DCC: variants seen among roughly 807,000 people sequenced by gnomAD.
The protein encoded by DCC is netrin receptor DCC.
In DCC, 58 loss-of-function variants were observed where a neutral mutation model predicts 172.5. The ratio of observed to expected loss-of-function variants is 0.34; its 90% CI spans 0.27 to 0.42. The LOEUF (loss-of-function observed/expected upper bound fraction) is 0.42. Ranked by LOEUF, DCC falls within the 10% of genes least tolerant of loss-of-function variation. The pLI is 1.00. For synonymous variants in DCC, 709 were observed against 644.5 expected (o/e 1.10, Z -1.52); for missense variants, 1,740 against 1,791.0 (o/e 0.97, Z 0.51).
chr18:52,554,809 A>G (rs1027502706), intron 1 of DCC, among the ~76,000 whole-genome samples: 32 of 152,216 alleles, frequency 2.1e-4, no homozygotes, highest in African/African-American at 7.5e-4. Flanking sequence ...CCTCTCATTT[A>G]AGAAATGTGT....
At chr18:52,856,034 G>C (rs985194312) in intron 2 of DCC, among the ~76,000 whole-genome samples, 18 of 151,490 alleles carry the variant, frequency 1.2e-4, no homozygotes, top group Admixed American at 6.6e-5. Flanking sequence ...CAAAGTGCTG[G>C]GATTACAGGC....
intron 1 of DCC, among the ~76,000 whole-genome samples, chr18:52,741,941 A>T (rs1364294020): frequency 6.6e-6 from 1 of 152,194 alleles, no homozygotes; most frequent in Non-Finnish European, 1.5e-5. Flanking sequence ...TTGGGGAGAT[A>T]ATTAGGGTTA....
Position 52,605,567 on chromosome 18 carries a change from C to T in DCC, c.92-146487C>T, listed in dbSNP as rs574469038. Among the ~76,000 whole-genome samples, 20 of 152,214 alleles carry T rather than the reference C, an allele frequency of 1.3e-4. No individual in the cohort carries two copies. The South Asian group carries it at 3.5e-3, about 27-fold the overall frequency. On this transcript the variant is annotated intron_variant, in intron 1 of 28. Coordinates refer to ENST00000442544, the MANE Select transcript of DCC (RefSeq NM_005215.4). Reference sequence around the variant, plus strand: ...TCTAATCAGCAGTCCTGCTCAGTAGCGGATAGAGAACAGAGTGTAAAACAT... The same window carrying T: ...TCTAATCAGCAGTCCTGCTCAGTAGTGGATAGAGAACAGAGTGTAAAACAT...
At chr18:53,160,346 T>A (rs915897983) in intron 8 of DCC, among the ~76,000 whole-genome samples, 1 of 152,150 alleles carries the variant, frequency 6.6e-6, no homozygotes, top group Admixed American at 6.6e-5. Context: ...CAACGAAACT[T>A]TGATTTCATA....
chr18:52,938,102 A>G (rs866183472), intron 5 of DCC, among the ~76,000 whole-genome samples: 1 of 152,154 alleles, frequency 6.6e-6, no homozygotes, highest in Non-Finnish European at 1.5e-5. Flanking sequence ...TGATTACTCA[A>G]ACTCAGAATA....
chr18:52,994,420 G>A (rs919003244), intron 5 of DCC, among the ~76,000 whole-genome samples: 16 of 152,024 alleles, frequency 1.1e-4, no homozygotes, highest in Non-Finnish European at 1.6e-4. Context: ...AAACAAGGAA[G>A]AGAAAAACCC....
intron 1 of DCC, among the ~76,000 whole-genome samples, chr18:52,495,700 G>A (rs1335448124): frequency 6.6e-6 from 1 of 151,922 alleles, no homozygotes; most frequent in Non-Finnish European, 1.5e-5. Context: ...AATTGAGTGA[G>A]CTTGAGAAGC....
chr18:53,061,954 T>A (rs1315937776), intron 5 of DCC, among the ~76,000 whole-genome samples: 1 of 152,126 alleles, frequency 6.6e-6, no homozygotes, highest in Admixed American at 6.6e-5. Context: ...AGAATGGAAC[T>A]GTTTCCATAT....
chr18:53,138,840 T>C (rs2043787330), intron 7 of DCC, among the ~76,000 whole-genome samples: 1 of 152,212 alleles, frequency 6.6e-6, no homozygotes, highest in Non-Finnish European at 1.5e-5. Context: ...TGAAAAATAT[T>C]ACTTTTTTAA....
intron 5 of DCC, among the ~76,000 whole-genome samples, chr18:52,928,913 G>GT (rs2040259555): frequency 6.6e-6 from 1 of 152,110 alleles, no homozygotes; most frequent in Non-Finnish European, 1.5e-5. Context: ...CCACTGCTTG[G>GT]TGGCTGGTGG....
chr18:52,894,576 C>T (rs922808451), intron 2 of DCC, among the ~76,000 whole-genome samples: 1 of 151,752 alleles, frequency 6.6e-6, no homozygotes, highest in African/African-American at 2.4e-5. Flanking sequence ...GGAATTGGCT[C>T]ACATGGTTCT....
At chr18:53,376,439 G>T (rs968156119) in intron 15 of DCC, among the ~76,000 whole-genome samples, 1 of 152,138 alleles carries the variant, frequency 6.6e-6, no homozygotes, top group African/African-American at 2.4e-5. Context: ...AGCACAGTAT[G>T]CATGAGTTTG....
intron 5 of DCC, among the ~76,000 whole-genome samples, chr18:53,034,206 A>C (rs1230875492): frequency 6.6e-6 from 1 of 151,694 alleles, no homozygotes; most frequent in African/African-American, 2.4e-5. Context: ...AGTCATATAC[A>C]CTCTGCTTAG....
At chr18:52,778,339 A>C (rs1215604652) in intron 2 of DCC, among the ~76,000 whole-genome samples, 2 of 152,174 alleles carry the variant, frequency 1.3e-5, no homozygotes, top group East Asian at 3.8e-4. Flanking sequence ...CTTTTAATGA[A>C]TCTTGGGGTG....
At chr18:52,435,332 C>T (rs951705350) in intron 1 of DCC, among the ~76,000 whole-genome samples, 3 of 152,074 alleles carry the variant, frequency 2.0e-5, no homozygotes, top group African/African-American at 7.2e-5. Flanking sequence ...ATCTGTCTTC[C>T]TTCAGCAGCC....
chr18:53,473,611 A>G (rs887461504), intron 25 of DCC, among the ~76,000 whole-genome samples: 1 of 152,102 alleles, frequency 6.6e-6, no homozygotes, highest in Non-Finnish European at 1.5e-5. Context: ...GCTAATTATT[A>G]TTTTCATTTA....
chr18:52,367,080 C>T (rs988577092), intron 1 of DCC, among the ~76,000 whole-genome samples: 3 of 152,334 alleles, frequency 2.0e-5, no homozygotes, highest in African/African-American at 7.2e-5. Flanking sequence ...GGTGAGAAAT[C>T]GAGCGCAGCG....
intron 21 of DCC, among the ~76,000 whole-genome samples, chr18:53,429,958 C>T (rs1911503631): frequency 6.6e-6 from 1 of 151,914 alleles, no homozygotes; most frequent in Non-Finnish European, 1.5e-5. Context: ...TTTTTGATGC[C>T]CGATGCCTTT....
intron 12 of DCC, among the ~76,000 whole-genome samples, chr18:53,272,752 C>A (rs985524074): frequency 6.6e-6 from 1 of 152,124 alleles, no homozygotes; most frequent in African/African-American, 2.4e-5. Flanking sequence ...GCACCTCTCA[C>A]TGGATTGAGG....
Sources: gnomAD v4.1 joint callset for allele counts (sites outside exome capture counted in the v4.1 genomes callset) on GRCh38, gnomAD v4.1.1 for gene constraint, MANE v1.5 for transcripts, NCBI Gene and HGNC (gene_info 2026-07-23, HGNC 2026-07-21) for gene names.